Variants in PTPRK observed in about 807,000 individuals in gnomAD.
PTPRK encodes the protein protein tyrosine phosphatase receptor type K.
PTPRK carries 75 observed loss-of-function variants against 178.0 expected under a neutral mutation model. The observed-to-expected ratio is 0.42, with a 90% CI of 0.35 to 0.51. The LOEUF is 0.51. PTPRK is among the 20% of genes least tolerant of loss of function. The pLI, the probability that PTPRK is intolerant of heterozygous loss-of-function variation, is 0.02. For synonymous variants in PTPRK, 637 were observed against 620.6 expected, an observed-to-expected ratio of 1.03 and a Z score of -0.39; for missense variants, 1,441 against 1,797.8, an observed-to-expected ratio of 0.80 and a Z score of 3.59.
rs531254669 is a variant in PTPRK at position 128,101,568 on chromosome 6, A to T, written c.1163-11576T>A. On this transcript the variant is annotated intron_variant, in intron 7 of 29. Coordinates refer to ENST00000368226, the MANE Select transcript of PTPRK (RefSeq NM_002844.4). ...ACTATTAGGAAATCTTGCTACCATTAATATTCATAGTGTATTTTTCATCTA... is the reference window on the plus strand; with the variant it reads ...ACTATTAGGAAATCTTGCTACCATTTATATTCATAGTGTATTTTTCATCTA... Among the ~76,000 whole-genome samples, 9 of 152,262 alleles carry T rather than the reference A, an allele frequency of 5.9e-5. No homozygotes were observed. The South Asian group carries it at 1.7e-3, about 28-fold the overall frequency.
chr6:128,181,470 C>A (rs1801892598), intron 7 of PTPRK, among the ~76,000 whole-genome samples: 1 of 151,780 alleles, frequency 6.6e-6, no homozygotes, highest in Non-Finnish European at 1.5e-5. Flanking sequence ...TAGTCCCAGT[C>A]CTAATTAAAA....
chr6:128,092,971 A>G (rs1239801368), intron 7 of PTPRK, among the ~76,000 whole-genome samples: 1 of 152,216 alleles, frequency 6.6e-6, no homozygotes, highest in Non-Finnish European at 1.5e-5. Context: ...AAGAGCTACT[A>G]TAAGTATTAA....
intron 1 of PTPRK, among the ~76,000 whole-genome samples, chr6:128,473,631 A>G (rs931824940): frequency 6.6e-6 from 1 of 151,922 alleles, no homozygotes; most frequent in South Asian, 2.1e-4. Context: ...ATATTAAATG[A>G]CTCACCTCCT....
Position 128,175,769 on chromosome 6 carries a change from T to A in PTPRK, c.1162+8663A>T, listed in dbSNP as rs76793686. ...GTATTATTTTAATATATACATAATT[T>A]AAAAAAATAATTTGGGTACGTAAGC... is the stretch of plus-strand genomic sequence containing the variant. On this transcript the variant is annotated intron_variant, in intron 7 of 29. Coordinates refer to ENST00000368226, the MANE Select transcript of PTPRK (RefSeq NM_002844.4). 3.4e-3 allele frequency among the ~76,000 whole-genome samples: 509 copies of A among 151,906 alleles called. 2 individuals are homozygous for A. The highest frequency in any genetic ancestry group is 0.012 in the African/African-American group (481 of 41,528).
chr6:128,169,158 A>G (rs949175964), intron 7 of PTPRK, among the ~76,000 whole-genome samples: 6 of 152,246 alleles, frequency 3.9e-5, no homozygotes, highest in African/African-American at 1.4e-4. Context: ...ACTATAGTTA[A>G]TAATATCCTA....
chr6:128,517,483 C>G (rs1156315580), intron 1 of PTPRK, among the ~76,000 whole-genome samples: 1 of 152,132 alleles, frequency 6.6e-6, no homozygotes, highest in Non-Finnish European at 1.5e-5. Flanking sequence ...TCGGTTTCCT[C>G]AGATATGACA....
In PTPRK at chr6:128,094,059, G is replaced by A. The variant is rs554309500; in HGVS notation, c.1163-4067C>T. ...AAATAATACAAAAAATGGAAGAAAC[G>A]AGTTGAATAAAAACGTAGAACACAG... On this transcript the variant is annotated intron_variant, in intron 7 of 29. Coordinates refer to ENST00000368226, the MANE Select transcript of PTPRK (RefSeq NM_002844.4). Among the ~76,000 whole-genome samples the A allele has an allele frequency of 5.9e-5, 9 of 152,186 alleles. No individual in the cohort carries two copies. The South Asian group carries it at 1.0e-3, about 18-fold the overall frequency.
intron 1 of PTPRK, among the ~76,000 whole-genome samples, chr6:128,422,577 T>G (rs566879393): frequency 1.3e-5 from 2 of 150,990 alleles, no homozygotes. Context: ...GATCTTTGTT[T>G]GTAATCAAAA....
intron 3 of PTPRK, among the ~76,000 whole-genome samples, chr6:128,268,146 A>G (rs894657131): frequency 6.6e-6 from 1 of 152,014 alleles, no homozygotes; most frequent in African/African-American, 2.4e-5. Context: ...TGAAATAATC[A>G]TTATGTCAAA....
chr6:128,469,639 A>G (rs1312034458), intron 1 of PTPRK, among the ~76,000 whole-genome samples: 1 of 152,130 alleles, frequency 6.6e-6, no homozygotes, highest in Non-Finnish European at 1.5e-5. Flanking sequence ...TGCGCCCCCA[A>G]CAAACACAAG....
intron 1 of PTPRK, among the ~76,000 whole-genome samples, chr6:128,506,532 C>T (rs1856372191): frequency 6.6e-6 from 1 of 151,712 alleles, no homozygotes. Flanking sequence ...TGGTGGCGCA[C>T]ACCTGTGGTC....
In PTPRK at chr6:128,496,910, G is replaced by T. The variant is rs572594114; in HGVS notation, c.100+23349C>A. ...ACAAAATCTTACTCAAAATATAATT[G>T]TGCTTGGCATTACAATAAACCAAAG... On this transcript the variant is annotated intron_variant, in intron 1 of 29. Coordinates refer to ENST00000368226, the MANE Select transcript of PTPRK (RefSeq NM_002844.4). 5.6e-4 allele frequency among the ~76,000 whole-genome samples: 86 copies of T among 152,214 alleles called. 1 individual carries two copies. In the South Asian group the frequency reaches 0.016, roughly 28 times the overall value.
chr6:128,069,734 C>A (rs1211656773), intron 11 of PTPRK, among the ~76,000 whole-genome samples: 2 of 151,630 alleles, frequency 1.3e-5, no homozygotes, highest in Non-Finnish European at 2.9e-5. Context: ...GAAAAAAAAA[C>A]ACAAAATCTA....
chr6:128,349,762 C>T (rs1405952767), intron 2 of PTPRK, among the ~76,000 whole-genome samples: 1 of 152,148 alleles, frequency 6.6e-6, no homozygotes, highest in East Asian at 1.9e-4. Flanking sequence ...TTCTGTTTTA[C>T]TTGGGTAATA....
intron 3 of PTPRK, among the ~76,000 whole-genome samples, chr6:128,313,853 T>C (rs971719447): frequency 6.6e-6 from 1 of 152,062 alleles, no homozygotes; most frequent in African/African-American, 2.4e-5. Flanking sequence ...AAGAAAAATA[T>C]AAATGGGAAG....
At position 128,258,985 on chromosome 6, in the gene PTPRK, G is replaced by C. The variant is rs192801763; in HGVS notation, c.496-16383C>G. Among the ~76,000 whole-genome samples the C allele has an allele frequency of 2.2e-3, 341 of 152,256 alleles. 1 individual carries two copies. The highest frequency in any genetic ancestry group is 7.8e-3 in the African/African-American group (324 of 41,550). On this transcript the variant is annotated intron_variant, in intron 3 of 29. Transcript: ENST00000368226. ...GGAGGATATGGGGTAGAATTCCTAA[G>C]TTCCTGATATCTGACATGTGTTTTT...
At chr6:128,433,567 G>A (rs1226989026) in intron 1 of PTPRK, among the ~76,000 whole-genome samples, 1 of 151,734 alleles carries the variant, frequency 6.6e-6, no homozygotes, top group Non-Finnish European at 1.5e-5. Flanking sequence ...ATACTGCAGT[G>A]GCTCAATCTC....
intron 7 of PTPRK, among the ~76,000 whole-genome samples, chr6:128,160,075 C>T (rs1798482302): frequency 6.6e-6 from 1 of 151,470 alleles, no homozygotes. Context: ...TTGGAAAGCT[C>T]ACGTAACTTA....
At chr6:127,973,544 CTG>C in intron 28 of PTPRK, 118 bp downstream of exon 28, 1 of 1,151,862 alleles carries the variant, frequency 8.7e-7, no homozygotes, top group South Asian at 1.7e-5. Context: ...GACAGGAAGA[CTG>C]TTTAAAAATA....
Sources: gnomAD v4.1 joint callset for allele counts (sites outside exome capture counted in the v4.1 genomes callset) on GRCh38, gnomAD v4.1.1 for gene constraint, MANE v1.5 for transcripts, NCBI Gene and HGNC (gene_info 2026-07-23, HGNC 2026-07-21) for gene names.